Variants in CACNB2 observed in about 807,000 individuals in gnomAD.
CACNB2 encodes calcium voltage-gated channel auxiliary subunit beta 2.
CACNB2 carries 42 observed loss-of-function variants against 73.3 expected under a neutral mutation model. That is an observed-to-expected ratio of 0.57 (90% CI 0.45 to 0.74). CACNB2 has a LOEUF of 0.74. CACNB2 is among the 30% of genes least tolerant of loss of function. The probability of loss-of-function intolerance (pLI) is 0.00; values close to 1 mark genes in which losing one functional copy is unlikely to be tolerated. For synonymous variants in CACNB2, 348 were observed against 310.3 expected (o/e 1.12, Z -1.28); for missense variants, 940 against 853.0 (o/e 1.10, Z -1.27).
In CACNB2 at chr10:18,442,934, ATATATATGTG is replaced by A. The variant is rs1564553223; in HGVS notation, c.333+40899_333+40908del. ...AATATATATATATATATGTATATAT[ATATATATGTG>A]TATATATATATATGTATATATATAT... is the stretch of plus-strand genomic sequence containing the variant. On this transcript the variant is annotated intron_variant, in intron 3 of 13. Transcript: ENST00000324631. Among the ~76,000 whole-genome samples the A allele has an allele frequency of 8.4e-4, 25 of 29,862 alleles. 2 individuals are homozygous for A. In the East Asian group the frequency reaches 0.028, roughly 34 times the overall value. 19.6% of individuals were successfully genotyped at this position (29,862 alleles called of 152,430 possible).
chr10:18,231,903 A>T (rs545145465), intron 2 of CACNB2, among the ~76,000 whole-genome samples: 1 of 152,206 alleles, frequency 6.6e-6, no homozygotes, highest in Non-Finnish European at 1.5e-5. Flanking sequence ...TTTCTTTTGT[A>T]CAACTCTTAG....
intron 2 of CACNB2, among the ~76,000 whole-genome samples, chr10:18,281,031 T>C (rs1002444405): frequency 2.6e-5 from 4 of 152,168 alleles, no homozygotes; most frequent in Non-Finnish European, 4.4e-5. Context: ...GCTTTCCATA[T>C]TTTGTAGGTT....
intron 9 of CACNB2, among the ~76,000 whole-genome samples, chr10:18,525,822 G>A (rs1377435228): frequency 6.6e-6 from 1 of 151,170 alleles, no homozygotes; most frequent in Non-Finnish European, 1.5e-5. Context: ...TTTACCCTTT[G>A]GAAATGTTAC....
intron 9 of CACNB2, among the ~76,000 whole-genome samples, chr10:18,522,770 C>T (rs1006105373): frequency 2.6e-5 from 4 of 150,968 alleles, no homozygotes; most frequent in South Asian, 2.1e-4. Flanking sequence ...CCCAGCTACT[C>T]GAAAAGCTGA....
intron 2 of CACNB2, among the ~76,000 whole-genome samples, chr10:18,179,348 C>T (rs922382746): frequency 6.6e-6 from 1 of 152,156 alleles, no homozygotes; most frequent in African/African-American, 2.4e-5. Flanking sequence ...TTCCGTGCCT[C>T]TGGGTAAAAG....
chr10:18,310,605 C>CAAAAAAAAAAAAAAAAAAAAAAATAA (rs1157466238), intron 2 of CACNB2, among the ~76,000 whole-genome samples: 4 of 36,858 alleles, frequency 1.1e-4, no homozygotes, highest in Non-Finnish European at 1.3e-4. Context: ...AACTCCATCT[C>CAAAAAAAAAAAAAAAAAAAAAAATAA]AAAAAAAAAA....
intron 2 of CACNB2, among the ~76,000 whole-genome samples, chr10:18,288,676 TACACACACACAC>T (rs372916856): frequency 6.9e-6 from 1 of 144,312 alleles, no homozygotes; most frequent in African/African-American, 2.6e-5. Flanking sequence ...ATGAGATTTA[TACACACACACAC>T]ACACACACAC....
intron 3 of CACNB2, among the ~76,000 whole-genome samples, chr10:18,415,444 T>C (rs911373373): frequency 6.8e-6 from 1 of 147,600 alleles, no homozygotes; most frequent in African/African-American, 2.5e-5. Context: ...CCAGCCTGCA[T>C]GACACAGAAA....
At chr10:18,323,035 C>T (rs59473151) in intron 2 of CACNB2, among the ~76,000 whole-genome samples, 28,483 of 148,676 alleles carry the variant, frequency 0.19, 2,864 homozygotes, top group Middle Eastern at 0.29. Flanking sequence ...TGATCATGGC[C>T]CATTGCTGGC....
In CACNB2 at chr10:18,300,273, C is replaced by T. The variant is rs145664101; in HGVS notation, c.214-101651C>T. On this transcript the variant is annotated intron_variant, in intron 2 of 13. Coordinates refer to ENST00000324631, the MANE Select transcript of CACNB2 (RefSeq NM_201596.3). The stretch of plus-strand genomic sequence containing the variant: ...CTGACCTCAGGTGATCTGCCCACCT[C>T]GGCCTCCCAAACTGCTGGGATTATA... Among the ~76,000 whole-genome samples, 1,426 of 152,196 alleles carry T rather than the reference C, an allele frequency of 9.4e-3. 13 individuals carry two copies. The highest frequency in any genetic ancestry group is 0.058 in the Middle Eastern group (17 of 294).
In CACNB2 at chr10:18,259,570, A is replaced by AAAAC. The variant is rs2037439490; in HGVS notation, c.213+108598_213+108599insCAAA. Among the ~76,000 whole-genome samples the AAAAC allele has an allele frequency of 1.0e-3, 120 of 116,830 alleles. 1 individual carries two copies. Among genetic ancestry groups the AAAAC allele is most frequent in the East Asian group, 2.0e-3 (8 of 3,934 alleles). The allele number at this position is 116,830 out of a possible 152,430, so 76.6% of individuals were successfully genotyped here. ...AAAAAAAACAAAAAACAAACAAAAA[A>AAAAC]AAAAAGTAAAAGTAGCCAGGCATGG... On this transcript the variant is annotated intron_variant, in intron 2 of 13. Coordinates refer to ENST00000324631, the MANE Select transcript of CACNB2 (RefSeq NM_201596.3).
intron 2 of CACNB2, among the ~76,000 whole-genome samples, chr10:18,190,280 T>TG (rs1357278343): frequency 6.6e-6 from 1 of 152,164 alleles, no homozygotes; most frequent in African/African-American, 2.4e-5. Flanking sequence ...TTTTCTCAGA[T>TG]ACAGAGGGTT....
At chr10:18,262,852 T>G (rs961027206) in intron 2 of CACNB2, among the ~76,000 whole-genome samples, 1 of 152,228 alleles carries the variant, frequency 6.6e-6, no homozygotes, top group African/African-American at 2.4e-5. Context: ...TTATTTTAGT[T>G]CTTCTTCTTA....
chr10:18,417,319 C>T lies in CACNB2; in HGVS notation c.333+15276C>T, dbSNP rs141760534. Among the ~76,000 whole-genome samples, 276 of 148,194 alleles carry T rather than the reference C, an allele frequency of 1.9e-3. 5 individuals carry two copies. The highest frequency in any genetic ancestry group is 0.012 in the Admixed American group (185 of 14,866). ...TTGATGTGAAACAAGTCAATTTTTA[C>T]ACTTCAACATTATTTAAACAAAAAT... On this transcript the variant is annotated intron_variant, in intron 3 of 13. Transcript: ENST00000324631.
At chr10:18,256,081 C>T (rs1011161707) in intron 2 of CACNB2, among the ~76,000 whole-genome samples, 15 of 152,130 alleles carry the variant, frequency 9.9e-5, no homozygotes, top group African/African-American at 3.4e-4. Flanking sequence ...TATCTTCCAT[C>T]GATATTATCT....
chr10:18,278,623 G>A (rs952651811), intron 2 of CACNB2, among the ~76,000 whole-genome samples: 7 of 151,964 alleles, frequency 4.6e-5, no homozygotes, highest in African/African-American at 1.2e-4. Flanking sequence ...TTTTATTTGC[G>A]ATAAGGGAAA....
rs75665672 is a variant in CACNB2 at position 18,489,699 on chromosome 10, C to T, written c.334-8656C>T. 5.3e-3 allele frequency among the ~76,000 whole-genome samples: 810 copies of T among 152,126 alleles called. 12 individuals are homozygous for T. Among genetic ancestry groups the T allele is most frequent in the African/African-American group, 0.019 (781 of 41,498 alleles). On this transcript the variant is annotated intron_variant, in intron 3 of 13. Coordinates refer to ENST00000324631, the MANE Select transcript of CACNB2 (RefSeq NM_201596.3). ...ATTGTTTGTCCCTTGGCCGACATTC[C>T]GAAAGTGGTAGCTTTCATCATTTTA...
chr10:18,278,275 T>A (rs1401888072), intron 2 of CACNB2, among the ~76,000 whole-genome samples: 1 of 152,066 alleles, frequency 6.6e-6, no homozygotes, highest in African/African-American at 2.4e-5. Context: ...AGTCCAGGAG[T>A]TTGAGACCAG....
chr10:18,331,410 C>T (rs974608615), intron 2 of CACNB2, among the ~76,000 whole-genome samples: 2 of 148,778 alleles, frequency 1.3e-5, no homozygotes, highest in African/African-American at 2.5e-5. Flanking sequence ...GCTATGTTTG[C>T]GTCATTGCAG....
Sources: allele counts gnomAD v4.1 joint callset (sites outside exome capture counted in the v4.1 genomes callset), GRCh38; gene constraint gnomAD v4.1.1; transcripts MANE v1.5; gene names NCBI Gene and HGNC (gene_info 2026-07-23, HGNC 2026-07-21).